DLGAP2: variants seen among roughly 807,000 people sequenced by gnomAD.
DLGAP2 encodes DLG associated protein 2.
DLGAP2 carries 26 observed loss-of-function variants against 100.3 expected under a neutral mutation model. That is an observed-to-expected ratio of 0.26 (90% CI 0.19 to 0.36). The LOEUF is 0.36. Ranked by LOEUF, DLGAP2 falls within the 10% of genes least tolerant of loss-of-function variation. DLGAP2 has a pLI of 1.00. For synonymous variants in DLGAP2, 886 were observed against 630.1 expected, an observed-to-expected ratio of 1.41 and a Z score of -6.08; for missense variants, 1,858 against 1,453.2, an observed-to-expected ratio of 1.28 and a Z score of -4.53.
intron 8 of DLGAP2, among the ~76,000 whole-genome samples, chr8:1,654,912 C>T (rs1324184766): frequency 1.3e-5 from 2 of 152,148 alleles, no homozygotes; most frequent in Admixed American, 6.6e-5. Context: ...GTTCACTAAA[C>T]GTTGATGCAT....
chr8:1,449,032 A>T (rs1028537860), intron 3 of DLGAP2, among the ~76,000 whole-genome samples: 4 of 152,236 alleles, frequency 2.6e-5, no homozygotes, highest in Admixed American at 1.3e-4. Context: ...GGGGAGGCTC[A>T]GCACGGGTCA....
At chr8:1,145,609 G>A (rs1796592166) in intron 2 of DLGAP2, among the ~76,000 whole-genome samples, 1 of 151,852 alleles carries the variant, frequency 6.6e-6, no homozygotes, top group African/African-American at 2.4e-5. Flanking sequence ...TGAATCTATG[G>A]ATGTATTCTT....
intron 2 of DLGAP2, among the ~76,000 whole-genome samples, chr8:1,125,642 A>G (rs1378195931): frequency 6.6e-6 from 1 of 152,258 alleles, no homozygotes; most frequent in Admixed American, 6.5e-5. Flanking sequence ...TATTAGATAA[A>G]TAACATAAAA....
At chr8:1,641,722 A>C (rs7015110) in intron 8 of DLGAP2, among the ~76,000 whole-genome samples, 1 of 152,122 alleles carries the variant, frequency 6.6e-6, no homozygotes, top group African/African-American at 2.4e-5. Context: ...AGGATTCCTA[A>C]TTGGTCATTT....
intron 1 of DLGAP2, among the ~76,000 whole-genome samples, chr8:750,098 A>G (rs1820752801): frequency 6.6e-6 from 1 of 152,250 alleles, no homozygotes; most frequent in Non-Finnish European, 1.5e-5. Context: ...CCTGTCTTCC[A>G]AGCACGCTCA....
At chr8:1,301,136 C>G (rs1800328090) in intron 3 of DLGAP2, 1 of 152,394 alleles carries the variant, frequency 6.6e-6, no homozygotes, top group South Asian at 2.1e-4. Flanking sequence ...GGCAGCGTGG[C>G]TGTGTCCCAT....
intron 2 of DLGAP2, among the ~76,000 whole-genome samples, chr8:1,241,465 T>A (rs1798795296): frequency 6.6e-6 from 1 of 152,220 alleles, no homozygotes. Context: ...GACGCGTTAT[T>A]TATTTCTTCC....
At position 1,526,852 on chromosome 8, in the gene DLGAP2, C is replaced by G. The variant is rs139569520; in HGVS notation, c.173-21774C>G. On this transcript the variant is annotated intron_variant, in intron 4 of 14. Transcript: ENST00000637795. ...TTACCTCTCAGGCCCAGGGTTCTCTCTGGGCAGCCCTCCTGCAGCAGAGCC... is the reference window on the plus strand; with the variant it reads ...TTACCTCTCAGGCCCAGGGTTCTCTGTGGGCAGCCCTCCTGCAGCAGAGCC... Among the ~76,000 whole-genome samples the G allele has an allele frequency of 1.4e-4, 22 of 152,310 alleles. No individual in the cohort carries two copies. In the East Asian group the frequency reaches 2.5e-3, roughly 17 times the overall value.
At chr8:1,102,129 A>G (rs1804605241) in intron 2 of DLGAP2, among the ~76,000 whole-genome samples, 1 of 150,948 alleles carries the variant, frequency 6.6e-6, no homozygotes, top group African/African-American at 2.4e-5. Flanking sequence ...ATTTTATTCA[A>G]TATAAATTAG....
chr8:1,651,648 C>G (rs1241364068), intron 8 of DLGAP2, among the ~76,000 whole-genome samples: 3 of 152,208 alleles, frequency 2.0e-5, no homozygotes, highest in African/African-American at 7.2e-5. Context: ...GGCTTAAGCC[C>G]CTAGCTCCGT....
At chr8:1,266,423 TC>T (rs1799452455) in intron 3 of DLGAP2, among the ~76,000 whole-genome samples, 1 of 152,052 alleles carries the variant, frequency 6.6e-6, no homozygotes, top group African/African-American at 2.4e-5. Context: ...CTTCCCGGGG[TC>T]CTCAGAAGCT....
intron 4 of DLGAP2, among the ~76,000 whole-genome samples, chr8:1,512,857 C>T (rs931386882): frequency 2.6e-5 from 4 of 152,264 alleles, no homozygotes; most frequent in Admixed American, 6.5e-5. Context: ...TTCCGAATGA[C>T]CCTGATCCTG....
At chr8:792,046 A>G (rs1399716904) in intron 1 of DLGAP2, among the ~76,000 whole-genome samples, 2 of 152,248 alleles carry the variant, frequency 1.3e-5, no homozygotes, top group Non-Finnish European at 2.9e-5. Context: ...GTTGATAGAC[A>G]CTGCATTTAC....
chr8:965,762 C>T (rs1799852518), intron 2 of DLGAP2, among the ~76,000 whole-genome samples: 1 of 143,614 alleles, frequency 7.0e-6, no homozygotes, highest in Admixed American at 6.8e-5. Flanking sequence ...TGAGTCTGAC[C>T]CCTGCGCTGC....
chr8:1,103,465 AACGTTGATGACTGGCGGGGCCTTGGTTG>A (rs1804654854), intron 2 of DLGAP2, among the ~76,000 whole-genome samples: 33 of 98,618 alleles, frequency 3.3e-4, no homozygotes, highest in South Asian at 7.4e-4. Context: ...GGCCTTGGTT[AACGTTGATGACTGGCGGGGCCTTGGTTG>A]ACGGTGATGA....
intron 8 of DLGAP2, among the ~76,000 whole-genome samples, chr8:1,639,840 C>T (rs975616829): frequency 6.6e-6 from 1 of 152,188 alleles, no homozygotes; most frequent in African/African-American, 2.4e-5. Flanking sequence ...TCCAAGCCTC[C>T]TCGTCTGACT....
chr8:818,166 G>A (rs987363231), intron 1 of DLGAP2, among the ~76,000 whole-genome samples: 1 of 152,178 alleles, frequency 6.6e-6, no homozygotes, highest in Non-Finnish European at 1.5e-5. Flanking sequence ...CTTGGGTGGG[G>A]CTGGCTGCAG....
At chr8:1,688,303 T>G (rs1383859753) in intron 12 of DLGAP2, 3 of 152,236 alleles carry the variant, frequency 2.0e-5, no homozygotes, top group African/African-American at 7.2e-5. Flanking sequence ...TGAAGTGGAT[T>G]TGTGAACGGC....
At chr8:1,610,220 C>T (rs991364189) in intron 6 of DLGAP2, among the ~76,000 whole-genome samples, 6 of 152,186 alleles carry the variant, frequency 3.9e-5, no homozygotes, top group Non-Finnish European at 8.8e-5. Flanking sequence ...AACTAGAACT[C>T]AGGATTAAGA....
Sources: allele counts gnomAD v4.1 joint callset (sites outside exome capture counted in the v4.1 genomes callset), GRCh38; gene constraint gnomAD v4.1.1; transcripts MANE v1.5; gene names NCBI Gene and HGNC (gene_info 2026-07-23, HGNC 2026-07-21).